FAM162A: variants seen among roughly 807,000 people sequenced by gnomAD.
FAM162A encodes the protein protein FAM162A.
FAM162A carries 23 observed loss-of-function variants against 21.8 expected under a neutral mutation model. The observed-to-expected ratio is 1.05, with a 90% CI of 0.76 to 1.49. The LOEUF (loss-of-function observed/expected upper bound fraction) is 1.49. Ranked by LOEUF, FAM162A falls within the 40% of genes most tolerant of loss-of-function variation. The pLI, the probability that FAM162A is intolerant of heterozygous loss-of-function variation, is 0.00. For missense variants in FAM162A, 165 were observed against 186.4 expected, an observed-to-expected ratio of 0.89 and a Z score of 0.67; for synonymous variants, 53 against 61.3, an observed-to-expected ratio of 0.86 and a Z score of 0.64.
chr3:122,393,125 G>A (rs565382780), intron 1 of FAM162A, among the ~76,000 whole-genome samples: 219 of 152,262 alleles, frequency 1.4e-3, no homozygotes, highest in Middle Eastern at 3.4e-3. Flanking sequence ...AAAGCTTTCT[G>A]GCATTTATAG....
At position 122,409,887 on chromosome 3, in the gene FAM162A, C is replaced by A; in HGVS notation, c.*56C>A. ...AATCCAGGAATTATGTTATAACGTG[C>A]CTGTATTAAAAAGGATGTGGTATGA... On this transcript the variant is annotated 3_prime_UTR_variant, in exon 5 of 5. Coordinates refer to ENST00000477892, the MANE Select transcript of FAM162A (RefSeq NM_014367.4). 1 of 1,470,300 alleles carries A rather than the reference C, an allele frequency of 6.8e-7. No individual in the cohort carries two copies. Among genetic ancestry groups the A allele is most frequent in the Non-Finnish European group, 9.5e-7 (1 of 1,050,540 alleles). 91.1% of individuals were successfully genotyped at this position (1,470,300 alleles called of 1,614,324 possible). A position where few individuals can be genotyped will look rare whatever the true frequency, so the allele number is the denominator to read the frequency against.
intron 1 of FAM162A, among the ~76,000 whole-genome samples, chr3:122,390,428 G>T (rs902600452): frequency 3.3e-5 from 5 of 152,150 alleles, no homozygotes; most frequent in Admixed American, 6.5e-5. Flanking sequence ...GATTCCCAGA[G>T]AGTTGTCATA....
Position 122,408,809 on chromosome 3 carries a change from T to C in FAM162A, c.373-930T>C, listed in dbSNP as rs2075689965. 2.6e-5 allele frequency among the ~76,000 whole-genome samples: 4 copies of C among 152,234 alleles called. No individual in the cohort carries two copies. The South Asian group carries it at 8.3e-4, about 31-fold the overall frequency. On this transcript the variant is annotated intron_variant, in intron 4 of 4. Coordinates refer to ENST00000477892, the MANE Select transcript of FAM162A (RefSeq NM_014367.4). ...CAAATTATTCACCTGGAATCTCTTC[T>C]AGCATCATCCAGGGGTATATGCTGT... is the stretch of plus-strand genomic sequence containing the variant.
chr3:122,399,025 C>T (rs2075641614), intron 1 of FAM162A, among the ~76,000 whole-genome samples: 1 of 152,090 alleles, frequency 6.6e-6, no homozygotes, highest in African/African-American at 2.4e-5. Context: ...TTTATTTTGT[C>T]ACCCAGGCAC....
At chr3:122,406,924 T>G (rs2075678532) in intron 3 of FAM162A, among the ~76,000 whole-genome samples, 1 of 152,112 alleles carries the variant, frequency 6.6e-6, no homozygotes, top group Non-Finnish European at 1.5e-5. Context: ...TTCTAGCATT[T>G]ATAGGCTGCT....
intron 1 of FAM162A, among the ~76,000 whole-genome samples, chr3:122,391,597 C>A (rs1439347706): frequency 6.6e-6 from 1 of 152,186 alleles, no homozygotes; most frequent in African/African-American, 2.4e-5. Flanking sequence ...ACAGTCTGAT[C>A]TAGGTGAACC....
Position 122,384,187 on chromosome 3 carries a change from A to G in FAM162A, c.-79A>G. 2.6e-6 allele frequency: 4 copies of G among 1,539,228 alleles called. No individual in the cohort carries two copies. Among genetic ancestry groups the G allele is most frequent in the East Asian group, 4.9e-5 (2 of 40,836 alleles). On this transcript the variant is annotated 5_prime_UTR_variant, in exon 1 of 5. Coordinates refer to ENST00000477892, the MANE Select transcript of FAM162A (RefSeq NM_014367.4). The stretch of plus-strand genomic sequence containing the variant: ...GCGCCGCCTGCGTCCTTCCCACTCC[A>G]ACGCTGGGTGACATTGAGCTCACCA...
intron 1 of FAM162A, among the ~76,000 whole-genome samples, chr3:122,399,612 T>C (rs1426348338): frequency 6.6e-6 from 1 of 152,220 alleles, no homozygotes; most frequent in South Asian, 2.1e-4. Flanking sequence ...GTCTTCATGA[T>C]AGAACATTTA....
At chr3:122,408,051 T>A (rs1444005007) in intron 4 of FAM162A, 3 of 152,224 alleles carry the variant, frequency 2.0e-5, no homozygotes, top group Non-Finnish European at 4.4e-5. Flanking sequence ...TTTAGTAACT[T>A]GCCCAAGGCC....
chr3:122,395,120 A>G (rs1028724549), intron 1 of FAM162A, among the ~76,000 whole-genome samples: 14 of 152,210 alleles, frequency 9.2e-5, no homozygotes, highest in African/African-American at 3.4e-4. Flanking sequence ...AACTTCCTCA[A>G]CCTGATAAAG....
At position 122,387,004 on chromosome 3, in the gene FAM162A, C is replaced by T. The variant is rs367925353; in HGVS notation, c.34+2705C>T. ...ACTAAATGGCCATTTACCCACACTACGCTGGGTTTCATAAGGGTAAACACT... is the reference window on the plus strand; with the variant it reads ...ACTAAATGGCCATTTACCCACACTATGCTGGGTTTCATAAGGGTAAACACT... On this transcript the variant is annotated intron_variant, in intron 1 of 4. Transcript: ENST00000477892. 8.5e-5 allele frequency among the ~76,000 whole-genome samples: 13 copies of T among 152,272 alleles called. 1 individual carries two copies. Among genetic ancestry groups the T allele is most frequent in the East Asian group, 3.9e-4 (2 of 5,184 alleles).
At chr3:122,395,877 C>T (rs1210160871) in intron 1 of FAM162A, among the ~76,000 whole-genome samples, 2 of 152,040 alleles carry the variant, frequency 1.3e-5, no homozygotes, top group Non-Finnish European at 2.9e-5. Flanking sequence ...ATTGATAGTC[C>T]AGAAATATAC....
intron 1 of FAM162A, among the ~76,000 whole-genome samples, chr3:122,397,513 T>G (rs2075634189): frequency 6.6e-6 from 1 of 152,198 alleles, no homozygotes; most frequent in Non-Finnish European, 1.5e-5. Flanking sequence ...CCTAGTCAGA[T>G]TTATCTCTGG....
intron 2 of FAM162A, 60 bp downstream of exon 2, chr3:122,402,942 G>T: frequency 3.9e-6 from 6 of 1,525,112 alleles, no homozygotes; most frequent in Non-Finnish European, 5.3e-6. Flanking sequence ...GGAAAACTTG[G>T]AATCAAAAGA....
At position 122,384,315 on chromosome 3, in the gene FAM162A, G is replaced by A. The variant is rs1024976307; in HGVS notation, c.34+16G>A. The stretch of plus-strand genomic sequence containing the variant: ...CTGGCAGCAGGTGAGACGCCGGTCG[G>A]GATATGGGAGGTAGGGGAGCTGGCC... On this transcript the variant is annotated intron_variant, in intron 1 of 4. Transcript: ENST00000477892. 4.1e-5 allele frequency: 64 copies of A among 1,570,642 alleles called. No homozygotes were observed. Among genetic ancestry groups the A allele is most frequent in the Non-Finnish European group, 5.3e-5 (61 of 1,158,178 alleles).
chr3:122,384,606 C>T (rs370114222), intron 1 of FAM162A, among the ~76,000 whole-genome samples: 108 of 152,174 alleles, frequency 7.1e-4, no homozygotes, highest in Middle Eastern at 3.4e-3. Context: ...GTCTGTAAAG[C>T]ACCTACTATC....
intron 1 of FAM162A, among the ~76,000 whole-genome samples, chr3:122,388,479 G>C (rs2075584595): frequency 6.6e-6 from 1 of 152,194 alleles, no homozygotes; most frequent in Non-Finnish European, 1.5e-5. Context: ...TTAGTCTGGA[G>C]TTGATTTTTA....
intron 1 of FAM162A, among the ~76,000 whole-genome samples, chr3:122,391,993 T>G (rs1322359138): frequency 6.6e-6 from 1 of 152,212 alleles, no homozygotes; most frequent in East Asian, 1.9e-4. Context: ...TGGCACAGAT[T>G]TTTATCTTTT....
Position 122,407,331 on chromosome 3 carries a change from A to G in FAM162A, c.314A>G (p.Tyr105Cys). ...AACAAGATGCGAGTGAAGATCAGCT[A>G]TCTAATGATTGCCCTGACGGTGGTA... ...AKNKMRVKIS[Y>C]LMIALTVVGC... The change falls in exon 4 of 5, where the codon TAT becomes TGT. Residue 105 changes from tyrosine to cysteine, a missense_variant. Physicochemically the swap from Tyr to Cys is radical, Grantham distance 194. Transcript: ENST00000477892. The G allele has an allele frequency of 6.2e-7, 1 of 1,614,136 alleles. No homozygotes were observed. Among genetic ancestry groups the G allele is most frequent in the Non-Finnish European group, 8.5e-7 (1 of 1,179,986 alleles).
Sources: gnomAD v4.1 joint callset for allele counts (sites outside exome capture counted in the v4.1 genomes callset) on GRCh38, gnomAD v4.1.1 for gene constraint, MANE v1.5 for transcripts, NCBI Gene and HGNC (gene_info 2026-07-23, HGNC 2026-07-21) for gene names.